Variants in GRAMD1C observed in about 807,000 individuals in gnomAD.
The protein encoded by GRAMD1C is protein Aster-C.
GRAMD1C carries 89 observed loss-of-function variants against 97.8 expected under a neutral mutation model. The ratio of observed to expected loss-of-function variants is 0.91; its 90% CI spans 0.77 to 1.09. GRAMD1C has a LOEUF of 1.09. GRAMD1C is among the 50% of genes least tolerant of loss of function. The pLI, the probability that GRAMD1C is intolerant of heterozygous loss-of-function variation, is 0.00. For synonymous variants in GRAMD1C, 256 were observed against 267.0 expected (o/e 0.96, Z 0.40); for missense variants, 740 against 766.4 (o/e 0.97, Z 0.41).
intron 6 of GRAMD1C, among the ~76,000 whole-genome samples, chr3:113,890,347 C>A (rs1935670393): frequency 1.3e-5 from 2 of 152,208 alleles, no homozygotes. Flanking sequence ...TGCCCTTGCT[C>A]CTGGCCTGGG....
At chr3:113,831,875 T>G (rs111600301) in intron 1 of GRAMD1C, among the ~76,000 whole-genome samples, 2,206 of 152,268 alleles carry the variant, frequency 0.014, 49 homozygotes, top group African/African-American at 0.048. Flanking sequence ...TGAGCATATA[T>G]GAAATAGTTG....
intron 2 of GRAMD1C, among the ~76,000 whole-genome samples, chr3:113,849,493 ACTCTTAACGAG>A (rs1933768022): frequency 6.6e-6 from 1 of 151,128 alleles, no homozygotes; most frequent in East Asian, 1.9e-4. Context: ...AGTGGTGATG[ACTCTTAACGAG>A]CATGCTGCCT....
intron 2 of GRAMD1C, among the ~76,000 whole-genome samples, chr3:113,864,069 G>A (rs1005242088): frequency 7.9e-5 from 12 of 152,206 alleles, no homozygotes; most frequent in African/African-American, 2.6e-4. Flanking sequence ...TACTGTAAGT[G>A]GCTAAAAGCA....
rs1937514224 is a variant in GRAMD1C at position 113,933,496 on chromosome 3, A to C, written c.1210-15A>C. On this transcript the variant is annotated splice_polypyrimidine_tract_variant and intron_variant, in intron 11 of 17. Coordinates refer to ENST00000358160, the MANE Select transcript of GRAMD1C (RefSeq NM_017577.5). ...AAGCATATACATACAAACATTTTTT[A>C]TCTTACTTTGGCAGACACTGTATAA... The C allele has an allele frequency of 3.1e-6, 5 of 1,596,082 alleles. No individual in the cohort carries two copies. The highest frequency in any genetic ancestry group is 4.3e-6 in the Non-Finnish European group (5 of 1,164,400).
At chr3:113,846,280 A>G (rs569931058) in intron 2 of GRAMD1C, among the ~76,000 whole-genome samples, 1 of 152,056 alleles carries the variant, frequency 6.6e-6, no homozygotes, top group South Asian at 2.1e-4. Context: ...CTAATTTTGT[A>G]TTTTTAGTAG....
chr3:113,835,511 C>T (rs117218018), upstream of GRAMD1C, among the ~76,000 whole-genome samples: 3 of 152,316 alleles, frequency 2.0e-5, no homozygotes, highest in East Asian at 5.8e-4. Context: ...AAAGGTCTTA[C>T]TACAGGATTT....
intron 14 of GRAMD1C, among the ~76,000 whole-genome samples, chr3:113,937,778 G>A (rs532990266): frequency 6.6e-6 from 1 of 152,312 alleles, no homozygotes; most frequent in African/African-American, 2.4e-5. Context: ...GCCAAGGCGG[G>A]TGGATCACCT....
At chr3:113,894,438 C>G (rs964325113) in intron 6 of GRAMD1C, among the ~76,000 whole-genome samples, 22 of 152,060 alleles carry the variant, frequency 1.4e-4, no homozygotes, top group Admixed American at 1.3e-3. Context: ...GCCACCACAC[C>G]CAGCTAATTT....
chr3:113,894,572 C>G (rs1249372420), intron 6 of GRAMD1C, among the ~76,000 whole-genome samples: 1 of 152,202 alleles, frequency 6.6e-6, no homozygotes, highest in African/African-American at 2.4e-5. Context: ...AGCCACCACG[C>G]CCGGCCTGTA....
intron 6 of GRAMD1C, among the ~76,000 whole-genome samples, chr3:113,893,175 A>C (rs949095239): frequency 6.6e-6 from 1 of 152,182 alleles, no homozygotes; most frequent in Non-Finnish European, 1.5e-5. Context: ...TTACAGAAAC[A>C]GTTTGTCGAA....
intron 6 of GRAMD1C, among the ~76,000 whole-genome samples, chr3:113,887,675 T>C (rs1311727504): frequency 8.0e-6 from 1 of 124,236 alleles, no homozygotes; most frequent in African/African-American, 3.2e-5. Context: ...TCCACTGCAC[T>C]CCAACCTGGG....
chr3:113,847,206 T>A (rs1027151498), intron 2 of GRAMD1C, among the ~76,000 whole-genome samples: 2 of 152,218 alleles, frequency 1.3e-5, no homozygotes, highest in African/African-American at 4.8e-5. Flanking sequence ...TGTTTTTATA[T>A]TTTTTAATTT....
chr3:113,881,051 A>G (rs945775560), intron 5 of GRAMD1C, among the ~76,000 whole-genome samples: 13 of 152,330 alleles, frequency 8.5e-5, no homozygotes, highest in Admixed American at 6.5e-4. Context: ...GGGTTCTAGA[A>G]TATGTTCTAT....
At position 113,915,746 on chromosome 3, in the gene GRAMD1C, G is replaced by T. The variant is rs550686355; in HGVS notation, c.998G>T (p.Arg333Leu). The change falls in exon 10 of 18, where the codon CGT becomes CTT. Residue 333 changes from arginine (R) to leucine (L), a missense_variant. By Grantham distance (102) the Arg-to-Leu change is moderately radical. Transcript: ENST00000358160. ...CTTCATGGAAGACTTTTTATCAACC[G>T]TATTTTTCATATCAGTGCTGACAGA... is the stretch of plus-strand genomic sequence containing the variant. ...KDLHGRLFIN[R>L]IFHISADRMF... 6.2e-7 allele frequency: 1 copy of T among 1,608,276 alleles called. No homozygotes were observed. Among genetic ancestry groups the T allele is most frequent in the Non-Finnish European group, 8.5e-7 (1 of 1,175,400 alleles).
chr3:113,872,687 A>G (rs1577147947), intron 3 of GRAMD1C, among the ~76,000 whole-genome samples: 1 of 150,326 alleles, frequency 6.7e-6, no homozygotes, highest in Admixed American at 6.6e-5. Flanking sequence ...GAGCCACTGC[A>G]CCCAGCCAAG....
intron 2 of GRAMD1C, among the ~76,000 whole-genome samples, chr3:113,868,253 T>A (rs1934659536): frequency 6.6e-6 from 1 of 152,180 alleles, no homozygotes; most frequent in East Asian, 1.9e-4. Flanking sequence ...TGATTTGATA[T>A]CTTTGTCTGC....
chr3:113,924,584 A>T (rs1235644990), intron 10 of GRAMD1C, among the ~76,000 whole-genome samples: 1 of 152,088 alleles, frequency 6.6e-6, no homozygotes, highest in Non-Finnish European at 1.5e-5. Flanking sequence ...ATTTTTAGTG[A>T]TCTTCTTAGT....
intron 13 of GRAMD1C, 71 bp from the exon 14 acceptor site, chr3:113,936,195 A>G: frequency 9.3e-6 from 8 of 859,602 alleles, no homozygotes; most frequent in Non-Finnish European, 1.4e-5. Context: ...AAAAATAACC[A>G]CCAAAACCCA....
At chr3:113,894,086 A>G (rs947935727) in intron 6 of GRAMD1C, among the ~76,000 whole-genome samples, 3 of 152,190 alleles carry the variant, frequency 2.0e-5, no homozygotes, top group East Asian at 1.9e-4. Context: ...GTTATTTTCT[A>G]TATACTTGAA....
Sources: gnomAD v4.1 joint callset for allele counts (sites outside exome capture counted in the v4.1 genomes callset) on GRCh38, gnomAD v4.1.1 for gene constraint, MANE v1.5 for transcripts, NCBI Gene and HGNC (gene_info 2026-07-23, HGNC 2026-07-21) for gene names.